The following TMEM14C variants were observed in gnomAD, a reference collection of about 807,000 sequenced individuals.
The protein encoded by TMEM14C is transmembrane protein 14C, also known as chromosome 6 open reading frame 53.
In TMEM14C, 13 loss-of-function variants were observed where a neutral mutation model predicts 14.8. That is an observed-to-expected ratio of 0.88 (90% CI 0.57 to 1.40). The LOEUF is 1.40. TMEM14C is among the 40% of genes most tolerant of loss of function. The pLI is 0.00. For missense variants in TMEM14C, 142 were observed against 138.8 expected (o/e 1.02, Z -0.12); for synonymous variants, 57 against 51.3 (o/e 1.11, Z -0.48).
At chr6:10,723,269 T>G (rs1370210443) in intron 1 of TMEM14C, 28 bp downstream of exon 1, 1 of 152,280 alleles carries the variant, frequency 6.6e-6, no homozygotes, top group East Asian at 1.9e-4. Context: ...TTATTCTTAT[T>G]TTCTGCCACT....
At chr6:10,730,202 G>A (rs528196041) in intron 5 of TMEM14C, among the ~76,000 whole-genome samples, 17 of 152,300 alleles carry the variant, frequency 1.1e-4, no homozygotes, top group Admixed American at 8.5e-4. Context: ...CTGTTTTGGA[G>A]AAAGATTACA....
At chr6:10,724,904 A>G in intron 2 of TMEM14C, 57 bp from the exon 3 acceptor site, 2 of 1,588,890 alleles carry the variant, frequency 1.3e-6, no homozygotes, top group Non-Finnish European at 1.7e-6. Context: ...ATCCTATGAC[A>G]GTATGGTTTG....
chr6:10,730,295 A>C (rs1457333570), intron 5 of TMEM14C, among the ~76,000 whole-genome samples: 1 of 152,174 alleles, frequency 6.6e-6, no homozygotes, highest in Admixed American at 6.5e-5. Flanking sequence ...GGTCTAGAGC[A>C]GTAAACTGAG....
rs758319189 is a variant in TMEM14C, at chr6:10,724,946, C to T, written c.21-15C>T. On this transcript the variant is annotated splice_polypyrimidine_tract_variant and intron_variant, in intron 2 of 5. Coordinates refer to ENST00000229563, the MANE Select transcript of TMEM14C (RefSeq NM_016462.4). Reference sequence around the variant, plus strand: ...AAGCCAGGTTAGCACTGACTTCTCCCTCTTGTGTTTTCAGAGTGCCTTTGC... The same window carrying T: ...AAGCCAGGTTAGCACTGACTTCTCCTTCTTGTGTTTTCAGAGTGCCTTTGC... 47 of 1,614,084 alleles carry T rather than the reference C, an allele frequency of 2.9e-5. 1 individual carries two copies. In the South Asian group the frequency reaches 4.8e-4, roughly 17 times the overall value.
chr6:10,726,065 A>C, intron 4 of TMEM14C, 57 bp downstream of exon 4: 1 of 1,600,996 alleles, frequency 6.2e-7, no homozygotes, highest in Non-Finnish European at 8.6e-7. Flanking sequence ...ACTCTTTTCC[A>C]AAAGACCCTG....
chr6:10,724,904 A>C, intron 2 of TMEM14C, 57 bp from the exon 3 acceptor site: 1 of 1,588,890 alleles, frequency 6.3e-7, no homozygotes, highest in African/African-American at 1.3e-5. Context: ...ATCCTATGAC[A>C]GTATGGTTTG....
chr6:10,728,635 A>C lies in TMEM14C; in HGVS notation c.200-5A>C, dbSNP rs1231124639. The C allele has an allele frequency of 1.2e-6, 2 of 1,613,758 alleles. No homozygotes were observed. The highest frequency in any genetic ancestry group is 1.7e-6 in the Non-Finnish European group (2 of 1,179,968). ...TTTAACACTTCTTTATATGTTTTTC[A>C]TCAGCTACATCTGGTACCTTGGCTG... On this transcript the variant is annotated splice_region_variant and splice_polypyrimidine_tract_variant and intron_variant, in intron 4 of 5. Transcript: ENST00000229563.
chr6:10,725,082 C>G (rs1370595792), intron 3 of TMEM14C, 45 bp downstream of exon 3: 3 of 1,608,412 alleles, frequency 1.9e-6, no homozygotes. Context: ...TTCACGTTGT[C>G]CCAGTGAAAT....
Position 10,730,997 on chromosome 6 carries a change from T to A in TMEM14C, c.*331T>A, listed in dbSNP as rs1046270. 1 of 1,013,086 alleles carries A rather than the reference T, an allele frequency of 9.9e-7. No homozygotes were observed. Among genetic ancestry groups the A allele is most frequent in the Non-Finnish European group, 1.2e-6 (1 of 848,220 alleles). 62.8% of individuals were successfully genotyped at this position (1,013,086 alleles called of 1,614,324 possible). A position where few individuals can be genotyped will look rare whatever the true frequency, so the allele number is the denominator to read the frequency against. On this transcript the variant is annotated 3_prime_UTR_variant, in exon 6 of 6. Transcript: ENST00000229563. ...GGCTCTGAAACCCCATTCCCTGCTC[T>A]GAGGAACAGTGTGAAAAAAAGTCTT...
Position 10,724,624 on chromosome 6 carries a change from C to T in TMEM14C, c.11C>T (p.Thr4Ile), listed in dbSNP as rs1770801494. Reference protein sequence around the residue: MQDTGSVVPLHWFG... With the variant: MQDIGSVVPLHWFG... ...ACAGAGAAGAGAAAAATGCAGGACACTGGCTCAGTGTGAGTGCAGTAAATG... is the reference window on the plus strand; with the variant it reads ...ACAGAGAAGAGAAAAATGCAGGACATTGGCTCAGTGTGAGTGCAGTAAATG... The change falls in exon 2 of 6, where the codon ACT becomes ATT. Residue 4 changes from threonine (T) to isoleucine (I), a missense_variant. Coordinates refer to ENST00000229563, the MANE Select transcript of TMEM14C (RefSeq NM_016462.4). 25 of 1,612,384 alleles carry T rather than the reference C, an allele frequency of 1.6e-5. No individual in the cohort carries two copies. The highest frequency in any genetic ancestry group is 1.8e-5 in the Non-Finnish European group (21 of 1,179,212).
chr6:10,728,341 GC>G (rs1770927758), intron 4 of TMEM14C, among the ~76,000 whole-genome samples: 1 of 107,046 alleles, frequency 9.3e-6, no homozygotes, highest in Non-Finnish European at 2.4e-5. Flanking sequence ...AGAAACAGTA[GC>G]ATTTTGGAGA....
At chr6:10,724,891 C>A (rs1009403195) in intron 2 of TMEM14C, 70 bp from the exon 3 acceptor site, 2 of 1,557,702 alleles carry the variant, frequency 1.3e-6, no homozygotes, top group African/African-American at 1.4e-5. Flanking sequence ...ACCTTTTAGT[C>A]CCATCCTATG....
At chr6:10,724,318 A>G (rs1411031965) in intron 1 of TMEM14C, 6 of 366,026 alleles carry the variant, frequency 1.6e-5, no homozygotes, top group African/African-American at 8.2e-5. Flanking sequence ...CCGTGGGCCT[A>G]TGTGATTAAA....
At chr6:10,728,265 G>A (rs1051736613) in intron 4 of TMEM14C, among the ~76,000 whole-genome samples, 1 of 152,212 alleles carries the variant, frequency 6.6e-6, no homozygotes, top group Non-Finnish European at 1.5e-5. Context: ...ACATGTAGTA[G>A]GTGCTTCGAC....
intron 4 of TMEM14C, among the ~76,000 whole-genome samples, chr6:10,727,737 C>T (rs1770908440): frequency 6.6e-6 from 1 of 151,996 alleles, no homozygotes; most frequent in African/African-American, 2.4e-5. Context: ...TTGAGAATTG[C>T]TTGATCCCAG....
chr6:10,728,603 A>G (rs368250764), intron 4 of TMEM14C, 37 bp from the exon 5 acceptor site: 3 of 1,604,408 alleles, frequency 1.9e-6, no homozygotes, highest in African/African-American at 2.7e-5. Context: ...TAGAAGATGT[A>G]ATGAGTTTTA....
chr6:10,730,694 T>A lies in TMEM14C; in HGVS notation c.*28T>A. 6.4e-7 allele frequency: 1 copy of A among 1,572,638 alleles called. No individual in the cohort carries two copies. The highest frequency in any genetic ancestry group is 8.7e-7 in the Non-Finnish European group (1 of 1,155,372). On this transcript the variant is annotated 3_prime_UTR_variant, in exon 6 of 6. Transcript: ENST00000229563. ...GAAGTCATGTTCCAGCTTAGACTGA[T>A]GAAGAATTAAAAATCTGCATCTTCC...
chr6:10,730,963 A>G lies in TMEM14C; in HGVS notation c.*297A>G. 9.5e-7 allele frequency: 1 copy of G among 1,048,518 alleles called. No individual in the cohort carries two copies. The highest frequency in any genetic ancestry group is 1.7e-5 in the African/African-American group (1 of 59,538). 65.0% of individuals were successfully genotyped at this position (1,048,518 alleles called of 1,614,324 possible). A position where few individuals can be genotyped will look rare whatever the true frequency, so the allele number is the denominator to read the frequency against. On this transcript the variant is annotated 3_prime_UTR_variant, in exon 6 of 6. Coordinates refer to ENST00000229563, the MANE Select transcript of TMEM14C (RefSeq NM_016462.4). ...TCTCAAGGGTAAAATGTTAGGTGTCAGCTTTCAGGGCTCTGAAACCCCATT... is the reference window on the plus strand; with the variant it reads ...TCTCAAGGGTAAAATGTTAGGTGTCGGCTTTCAGGGCTCTGAAACCCCATT...
At chr6:10,727,499 C>T (rs766795145) in intron 4 of TMEM14C, among the ~76,000 whole-genome samples, 4 of 151,882 alleles carry the variant, frequency 2.6e-5, no homozygotes, top group Non-Finnish European at 5.9e-5. Context: ...CCAACATGCC[C>T]GGCTAATTTT....
Sources: allele counts gnomAD v4.1 joint callset (sites outside exome capture counted in the v4.1 genomes callset), GRCh38; gene constraint gnomAD v4.1.1; transcripts MANE v1.5; gene names NCBI Gene and HGNC (gene_info 2026-07-23, HGNC 2026-07-21).